The following IL5RA variants were observed in gnomAD, a reference collection of about 807,000 sequenced individuals.
The protein encoded by IL5RA is interleukin-5 receptor subunit alpha.
A neutral mutation model predicts 50.0 loss-of-function variants in IL5RA; 49 were observed. The ratio of observed to expected loss-of-function variants is 0.98; its 90% CI spans 0.78 to 1.24. IL5RA has a LOEUF of 1.24. Ranked by LOEUF, IL5RA falls within the 50% of genes most tolerant of loss-of-function variation. IL5RA has a pLI of 0.00. For synonymous variants in IL5RA, 202 were observed against 174.0 expected, an observed-to-expected ratio of 1.16 and a Z score of -1.26; for missense variants, 600 against 500.4, an observed-to-expected ratio of 1.20 and a Z score of -1.90.
chr3:3,075,203 CTTTT>C (rs10642608), intron 10 of IL5RA, among the ~76,000 whole-genome samples: 5 of 69,940 alleles, frequency 7.1e-5, no homozygotes, highest in Admixed American at 2.3e-4. Context: ...AGTTTACTTA[CTTTT>C]TTTTTTTTTT....
At chr3:3,074,322 A>G (rs943266380) in intron 11 of IL5RA, among the ~76,000 whole-genome samples, 2 of 152,268 alleles carry the variant, frequency 1.3e-5, no homozygotes, top group African/African-American at 4.8e-5. Flanking sequence ...TTATTATACC[A>G]GAAAGAAATT....
At position 3,076,538 on chromosome 3, in the gene IL5RA, A is replaced by G. The variant is rs1403311707; in HGVS notation, c.1084T>C (p.Cys362Arg). Residue 362 changes from cysteine to arginine, a missense_variant, in exon 10 of 12, where the codon TGT becomes CGT. By Grantham distance (180) the Cys-to-Arg change is radical (BLOSUM62 -3). Coordinates refer to ENST00000446632, the MANE Select transcript of IL5RA (RefSeq NM_175726.4). ...CFILLILSLI[C>R]KICHLWIKLF... is the part of the protein sequence containing the mutation. ...AATGTAAAGAACACTTACATTTTAC[A>G]GATAAGCGAGAGAATTAACAAGATG... The G allele has an allele frequency of 2.5e-6, 4 of 1,602,122 alleles. No homozygotes were observed. Among genetic ancestry groups the G allele is most frequent in the Non-Finnish European group, 3.4e-6 (4 of 1,169,702 alleles).
At chr3:3,071,187 C>A (rs970514614) in intron 11 of IL5RA, among the ~76,000 whole-genome samples, 1 of 152,202 alleles carries the variant, frequency 6.6e-6, no homozygotes, top group African/African-American at 2.4e-5. Flanking sequence ...TGCCGTGTCT[C>A]GGGAATTCAC....
intron 2 of IL5RA, among the ~76,000 whole-genome samples, chr3:3,107,402 C>CAACAACAACAAA (rs1342528412): frequency 2.0e-5 from 3 of 151,670 alleles, no homozygotes; most frequent in Non-Finnish European, 2.9e-5. Context: ...ACAACAGCAA[C>CAACAACAACAAA]AACAAATCTC....
intron 3 of IL5RA, among the ~76,000 whole-genome samples, chr3:3,104,007 C>G (rs927741275): frequency 3.3e-5 from 5 of 152,196 alleles, no homozygotes; most frequent in African/African-American, 1.2e-4. Flanking sequence ...ACGGTAGCCA[C>G]TGGCAACTTG....
intron 11 of IL5RA, 89 bp downstream of exon 11, chr3:3,074,693 A>C: frequency 1.4e-6 from 1 of 718,164 alleles, no homozygotes; most frequent in East Asian, 2.7e-5. Flanking sequence ...ACCCTGCCTT[A>C]TAATATAGAA....
chr3:3,091,834 A>T, intron 9 of IL5RA: 1 of 233,852 alleles, frequency 4.3e-6, no homozygotes, highest in Non-Finnish European at 7.3e-6. Flanking sequence ...CTATTGTACT[A>T]TAGTTTTGTA....
At position 3,098,193 on chromosome 3, in the gene IL5RA, G is replaced by T. The variant is rs746274560; in HGVS notation, c.465C>A (p.Cys155Ter). Residue 155 changes from cysteine (C) to a stop codon, truncating the protein, a stop_gained, in exon 6 of 12, where the codon TGC (cysteine) becomes TGA (stop). Coordinates refer to ENST00000446632, the MANE Select transcript of IL5RA (RefSeq NM_175726.4). LOFTEE classifies it high-confidence loss of function. ...RLRSYQVSLHCTWLVGTDAPE... is the reference protein window; with the variant it reads ...RLRSYQVSLH ...GGGCATCTGTGCCAACAAGCCAGGTGCAGTGAAGGGAAACTTGGTATGACC... is the reference window on the plus strand; with the variant it reads ...GGGCATCTGTGCCAACAAGCCAGGTTCAGTGAAGGGAAACTTGGTATGACC... The T allele has an allele frequency of 6.2e-7, 1 of 1,614,116 alleles. No homozygotes were observed. Among genetic ancestry groups the T allele is most frequent in the South Asian group, 1.1e-5 (1 of 91,078 alleles).
intron 2 of IL5RA, among the ~76,000 whole-genome samples, chr3:3,107,375 T>C (rs1703973972): frequency 1.7e-5 from 1 of 58,052 alleles, no homozygotes; most frequent in African/African-American, 5.8e-5. Flanking sequence ...TTCTTGTCCC[T>C]GCTTAAAACA....
chr3:3,098,439 ACT>A, intron 5 of IL5RA, 149 bp from the exon 6 acceptor site: 1 of 688,794 alleles, frequency 1.5e-6, no homozygotes, highest in Non-Finnish European at 2.4e-6. Flanking sequence ...ACAGAGCCTC[ACT>A]CTGTCACCCA....
chr3:3,095,479 T>TC (rs778569199), intron 7 of IL5RA, 35 bp from the exon 8 acceptor site: 9 of 1,578,840 alleles, frequency 5.7e-6, no homozygotes, highest in Non-Finnish European at 7.8e-6. Flanking sequence ...TGATTTTTTT[T>TC]TTAGAATCAG....
At chr3:3,109,860 C>T (rs1379907215) in intron 1 of IL5RA, 85 bp downstream of exon 1, 3 of 152,158 alleles carry the variant, frequency 2.0e-5, no homozygotes, top group Non-Finnish European at 2.9e-5. Context: ...AGGTGGAGCA[C>T]AGGGTATTGT....
chr3:3,095,582 C>A, intron 7 of IL5RA, 138 bp from the exon 8 acceptor site: 1 of 715,298 alleles, frequency 1.4e-6, no homozygotes, highest in Non-Finnish European at 2.3e-6. Context: ...TCTTAATCAA[C>A]TGATCTCCAA....
chr3:3,089,416 A>T (rs1411848077), intron 9 of IL5RA, among the ~76,000 whole-genome samples: 1 of 152,214 alleles, frequency 6.6e-6, no homozygotes, highest in African/African-American at 2.4e-5. Context: ...TGTGTGTCAG[A>T]TCGGAGTCAT....
chr3:3,071,812 A>G (rs953845108), intron 11 of IL5RA, among the ~76,000 whole-genome samples: 1 of 151,964 alleles, frequency 6.6e-6, no homozygotes, highest in African/African-American at 2.4e-5. Context: ...CTGGTTTCAA[A>G]CTTGTGAGGT....
intron 9 of IL5RA, among the ~76,000 whole-genome samples, chr3:3,086,980 A>G (rs758245914): frequency 6.6e-6 from 1 of 152,208 alleles, no homozygotes; most frequent in Admixed American, 6.5e-5. Flanking sequence ...ACCAAATACC[A>G]TATGTTCTCA....
At chr3:3,081,266 C>T (rs1559864058) in intron 9 of IL5RA, among the ~76,000 whole-genome samples, 1 of 152,118 alleles carries the variant, frequency 6.6e-6, no homozygotes, top group Non-Finnish European at 1.5e-5. Flanking sequence ...CTAATAACAG[C>T]AAATCAAATA....
intron 9 of IL5RA, among the ~76,000 whole-genome samples, chr3:3,091,391 A>T (rs1703092826): frequency 6.6e-6 from 1 of 152,168 alleles, no homozygotes; most frequent in African/African-American, 2.4e-5. Context: ...GGGTACATGA[A>T]CTTAAACATG....
chr3:3,076,523 A>G lies in IL5RA; in HGVS notation c.1091+8T>C, dbSNP rs1471224118. 1.9e-6 allele frequency: 3 copies of G among 1,564,168 alleles called. No individual in the cohort carries two copies. Among genetic ancestry groups the G allele is most frequent in the South Asian group, 1.1e-5 (1 of 89,384 alleles). The stretch of plus-strand genomic sequence containing the variant: ...CACTGCAAGCACGCAAATGTAAAGA[A>G]CACTTACATTTTACAGATAAGCGAG... On this transcript the variant is annotated splice_region_variant and intron_variant, in intron 10 of 11. Transcript: ENST00000446632.
Sources: gnomAD v4.1 joint callset for allele counts (sites outside exome capture counted in the v4.1 genomes callset) on GRCh38, gnomAD v4.1.1 for gene constraint, MANE v1.5 for transcripts, NCBI Gene and HGNC (gene_info 2026-07-23, HGNC 2026-07-21) for gene names.